ITIH6: variants seen among roughly 807,000 people sequenced by gnomAD.
ITIH6 encodes inter-alpha-trypsin inhibitor heavy chain family member 6.
In ITIH6, 60 loss-of-function variants were observed where a neutral mutation model predicts 58.2. The observed-to-expected ratio is 1.03, with a 90% CI of 0.84 to 1.28. The LOEUF is 1.28. ITIH6 is among the 50% of genes most tolerant of loss of function. ITIH6 has a pLI of 0.00. For missense variants in ITIH6, 1,290 were observed against 1,021.1 expected, an observed-to-expected ratio of 1.26 and a Z score of -3.59; for synonymous variants, 493 against 417.4, an observed-to-expected ratio of 1.18 and a Z score of -2.21.
chrX:54,790,233 C>T (rs1173590785), intron 4 of ITIH6, among the ~76,000 whole-genome samples: 7 of 107,036 alleles, frequency 6.5e-5, no homozygotes, highest in East Asian at 2.9e-4. Context: ...GATGACACAG[C>T]TTCCTGGGCC....
chrX:54,783,947 C>A (rs1344966491), intron 5 of ITIH6, among the ~76,000 whole-genome samples: 3 of 111,820 alleles, frequency 2.7e-5, no homozygotes, highest in Non-Finnish European at 5.6e-5. Context: ...TACGGCAGAG[C>A]TATAGCAACA....
intron 5 of ITIH6, among the ~76,000 whole-genome samples, chrX:54,782,352 G>T (rs1433501466): frequency 1.8e-5 from 2 of 111,448 alleles, no homozygotes; most frequent in African/African-American, 6.5e-5. Flanking sequence ...GGAGACCGAG[G>T]TTGTGGTGAG....
intron 11 of ITIH6, 102 bp downstream of exon 11, chrX:54,753,549 G>A: frequency 3.7e-6 from 2 of 536,269 alleles, no homozygotes; most frequent in East Asian, 3.5e-5. Flanking sequence ...TTAGTGAGGT[G>A]CATTGCTATG....
intron 12 of ITIH6, among the ~76,000 whole-genome samples, chrX:54,750,469 G>T (rs1431273967): frequency 1.8e-5 from 2 of 111,310 alleles, no homozygotes; most frequent in Non-Finnish European, 3.8e-5. Context: ...CTCAGGTTCT[G>T]CCAGTGTCTC....
chrX:54,757,771 G>A lies in ITIH6; in HGVS notation c.2303C>T (p.Pro768Leu). The A allele has an allele frequency of 8.3e-7, 1 of 1,211,750 alleles. No homozygotes were observed. The highest frequency in any genetic ancestry group is 3.0e-5 in the East Asian group (1 of 33,836). ...TQVPPVKPGI[P>L]ASPKADTVKC... is the part of the protein sequence containing the mutation. ...CACAGTGTCAGCTTTGGGCGAGGCT[G>A]GGATGCCAGGTTTCACAGGTGGGAC... Residue 768 changes from proline to leucine, a missense_variant, in exon 8 of 13, where the codon CCA (proline) becomes CTA (leucine). Coordinates refer to ENST00000218436, the MANE Select transcript of ITIH6 (RefSeq NM_198510.3).
At chrX:54,772,219 G>A (rs947723130) in intron 6 of ITIH6, among the ~76,000 whole-genome samples, 1 of 112,268 alleles carries the variant, frequency 8.9e-6, no homozygotes, top group Non-Finnish European at 1.9e-5. Context: ...GGAACTGGAG[G>A]CAATCATCCT....
chrX:54,794,318 C>T (rs192387997), intron 2 of ITIH6, among the ~76,000 whole-genome samples: 1,491 of 110,786 alleles, frequency 0.013, 6 homozygotes, highest in South Asian at 0.032. Flanking sequence ...GCCTGCTTTG[C>T]TTAATTTTTT....
At chrX:54,781,966 C>G (rs1022966617) in intron 5 of ITIH6, among the ~76,000 whole-genome samples, 16 of 111,733 alleles carry the variant, frequency 1.4e-4, no homozygotes, top group African/African-American at 5.2e-4. Flanking sequence ...TTATCCTTAG[C>G]AAACTAACAC....
intron 12 of ITIH6, among the ~76,000 whole-genome samples, chrX:54,750,511 C>A (rs1928331217): frequency 9.0e-6 from 1 of 111,544 alleles, no homozygotes; most frequent in African/African-American, 3.3e-5. Flanking sequence ...TACAACCTCC[C>A]TTCATAGCAG....
chrX:54,772,095 CCTAAATG>C (rs1928963670), intron 6 of ITIH6, among the ~76,000 whole-genome samples: 1 of 112,299 alleles, frequency 8.9e-6, no homozygotes, highest in South Asian at 3.7e-4. Flanking sequence ...ATGGAATCAA[CCTAAATG>C]CTCATCAATA....
chrX:54,788,113 C>A (rs756204998), intron 5 of ITIH6, among the ~76,000 whole-genome samples: 9 of 111,638 alleles, frequency 8.1e-5, no homozygotes, highest in South Asian at 3.8e-4. Flanking sequence ...GCAAGGAAGC[C>A]CAAGAGAACA....
chrX:54,774,377 T>G (rs1285850037), intron 5 of ITIH6, among the ~76,000 whole-genome samples, 180 bp from the exon 6 acceptor site: 1 of 112,878 alleles, frequency 8.9e-6, no homozygotes, highest in African/African-American at 3.2e-5. Flanking sequence ...ACTAGAACCG[T>G]GTCTCAGCTC....
At chrX:54,753,583 T>C in intron 11 of ITIH6, 68 bp downstream of exon 11, 1 of 776,852 alleles carries the variant, frequency 1.3e-6, no homozygotes, top group Non-Finnish European at 2.0e-6. Flanking sequence ...AACCCACAAA[T>C]GTCTAGGGGT....
intron 5 of ITIH6, among the ~76,000 whole-genome samples, chrX:54,779,750 T>C (rs1460476401): frequency 1.8e-5 from 2 of 110,271 alleles, no homozygotes; most frequent in African/African-American, 3.3e-5. Flanking sequence ...ATAGAGTGAC[T>C]GAATGGATTA....
chrX:54,797,934 T>C (rs913949827), intron 1 of ITIH6, among the ~76,000 whole-genome samples, 175 bp downstream of exon 1: 2 of 111,604 alleles, frequency 1.8e-5, no homozygotes, highest in Non-Finnish European at 3.8e-5. Context: ...ATAATAATTC[T>C]GGGACCCCTG....
rs755995743 is a variant in ITIH6 at position 54,775,469 on chromosome X, C to G, written c.787-1272G>C. 1.2e-3 allele frequency among the ~76,000 whole-genome samples: 134 copies of G among 110,554 alleles called. 2 individuals carry two copies. Among genetic ancestry groups the G allele is most frequent in the Non-Finnish European group, 2.3e-3 (121 of 52,806 alleles). On this transcript the variant is annotated intron_variant, in intron 5 of 12. Coordinates refer to ENST00000218436, the MANE Select transcript of ITIH6 (RefSeq NM_198510.3). ...CCCCACCCTTCTAGAGGGTCCACAT[C>G]ACCATAAACCTCCTCCCTCAGCCTA...
chrX:54,768,406 T>G (rs1264193064), intron 6 of ITIH6, among the ~76,000 whole-genome samples: 2 of 87,922 alleles, frequency 2.3e-5, no homozygotes, highest in African/African-American at 4.6e-5. Context: ...AAGTTAATAT[T>G]GTTATGTGTG....
At chrX:54,760,144 G>A (rs1569543944) in intron 6 of ITIH6, among the ~76,000 whole-genome samples, 1 of 112,092 alleles carries the variant, frequency 8.9e-6, no homozygotes, top group Non-Finnish European at 1.9e-5. Context: ...ATAGTCACAT[G>A]TAGCTACTTA....
chrX:54,764,528 C>T (rs1318286761), intron 6 of ITIH6, among the ~76,000 whole-genome samples: 21 of 106,143 alleles, frequency 2.0e-4, no homozygotes, highest in South Asian at 1.8e-3. Flanking sequence ...TTTGTTCTTG[C>T]GATAGTTTAC....
Sources: gnomAD v4.1 joint callset for allele counts (sites outside exome capture counted in the v4.1 genomes callset) on GRCh38, gnomAD v4.1.1 for gene constraint, MANE v1.5 for transcripts, NCBI Gene and HGNC (gene_info 2026-07-23, HGNC 2026-07-21) for gene names.